Variants in OR5D3 observed in about 807,000 individuals in gnomAD.
OR5D3 encodes olfactory receptor 5D3.
chr11:55,723,849 T>C, the OR5D3 span: 1 of 368,862 alleles, frequency 2.7e-6, no homozygotes, highest in Non-Finnish European at 4.8e-6. Context: ...GATGTGACCT[T>C]ATCTCTGCTA....
chr11:55,725,986 T>G, the OR5D3 span, among the ~76,000 whole-genome samples: 1 of 152,120 alleles, frequency 6.6e-6, no homozygotes, highest in African/African-American at 2.4e-5. Context: ...TTGTTTTTCC[T>G]GTCTTAATTT....
chr11:55,729,035 A>G, the OR5D3 span: 2 of 152,026 alleles, frequency 1.3e-5, no homozygotes, highest in Non-Finnish European at 2.9e-5. Flanking sequence ...GTTTTGGAAG[A>G]TGTAAGCTGT....
the OR5D3 span, chr11:55,726,763 A>G: frequency 2.5e-6 from 1 of 399,026 alleles, no homozygotes. Flanking sequence ...GCACGCTGCC[A>G]TTGTTGCTGT....
the OR5D3 span, chr11:55,729,510 G>T: frequency 2.0e-5 from 3 of 151,844 alleles, no homozygotes; most frequent in East Asian, 5.8e-4. Context: ...TTATGTAAAT[G>T]TCAACTTTCA....
the OR5D3 span, chr11:55,728,765 A>C: frequency 7.7e-6 from 1 of 129,448 alleles, no homozygotes; most frequent in Admixed American, 8.4e-5. Flanking sequence ...ATATACAACA[A>C]AATTCTCAAC....
At chr11:55,725,847 CTG>C in the OR5D3 span, among the ~76,000 whole-genome samples, 1 of 152,016 alleles carries the variant, frequency 6.6e-6, no homozygotes, top group Non-Finnish European at 1.5e-5. Context: ...AGGAATGAAA[CTG>C]TAGAAAAGTA....
At chr11:55,724,601 G>T in the OR5D3 span, among the ~76,000 whole-genome samples, 3 of 152,050 alleles carry the variant, frequency 2.0e-5, no homozygotes, top group Non-Finnish European at 4.4e-5. Context: ...TGTGTTAGTG[G>T]TAATGAGATT....
chr11:55,726,942 C>T, the OR5D3 span: 3 of 399,836 alleles, frequency 7.5e-6, no homozygotes, highest in East Asian at 1.1e-4. Context: ...CGTGTGCCTC[C>T]CACCTGACCG....
the OR5D3 span, chr11:55,727,917 T>A: frequency 1.3e-5 from 2 of 152,090 alleles, no homozygotes; most frequent in African/African-American, 2.4e-5. Context: ...ACAACCAGGA[T>A]AATGATATTG....
the OR5D3 span, chr11:55,727,804 A>C: frequency 7.2e-5 from 11 of 152,044 alleles, no homozygotes; most frequent in African/African-American, 2.7e-4. Flanking sequence ...ATTTATTAAA[A>C]ATTTTATTGA....
chr11:55,727,264 A>G, the OR5D3 span: 1 of 396,298 alleles, frequency 2.5e-6, no homozygotes, highest in Non-Finnish European at 4.4e-6. Flanking sequence ...TACAATATCT[A>G]TTCACACTGA....
At chr11:55,727,845 A>G in the OR5D3 span, 4 of 152,024 alleles carry the variant, frequency 2.6e-5, no homozygotes, top group African/African-American at 7.3e-5. Flanking sequence ...CCTTTGTAAG[A>G]AATAATATAG....
chr11:55,726,082 G>T, the OR5D3 span: 1 of 396,372 alleles, frequency 2.5e-6, no homozygotes. Context: ...TAATTTGACA[G>T]TGGAAACCTA....
chr11:55,726,358 A>C, the OR5D3 span: 3 of 467,932 alleles, frequency 6.4e-6, no homozygotes, highest in African/African-American at 2.0e-5. Context: ...GATCATGGTC[A>C]TCAGGATCAA....
chr11:55,725,740 C>T, the OR5D3 span, among the ~76,000 whole-genome samples: 2 of 152,022 alleles, frequency 1.3e-5, no homozygotes, highest in African/African-American at 4.8e-5. Flanking sequence ...ATAAAACCAC[C>T]AATAAACTGT....
the OR5D3 span, chr11:55,727,459 G>A: frequency 1.1e-5 from 2 of 176,524 alleles, no homozygotes; most frequent in East Asian, 2.9e-4. Context: ...TTTTTGAGAT[G>A]ATCTGAAGAA....
chr11:55,726,414 C>T, the OR5D3 span: 1 of 474,254 alleles, frequency 2.1e-6, no homozygotes, highest in Non-Finnish European at 3.9e-6. Context: ...GCCACTTGTC[C>T]TTTGTTGATT....
chr11:55,726,051 T>C, the OR5D3 span, among the ~76,000 whole-genome samples: 3 of 152,088 alleles, frequency 2.0e-5, no homozygotes, highest in Non-Finnish European at 4.4e-5. Context: ...AATTTTTATA[T>C]AAGTACTCTA....
At chr11:55,729,599 A>G in the OR5D3 span, 1 of 152,070 alleles carries the variant, frequency 6.6e-6, no homozygotes, top group African/African-American at 2.4e-5. Flanking sequence ...ATTATATTAC[A>G]TAACACTTTG....
Sources: gnomAD v4.1 joint callset for allele counts (sites outside exome capture counted in the v4.1 genomes callset) on GRCh38, gnomAD v4.1.1 for gene constraint, MANE v1.5 for transcripts, NCBI Gene and HGNC (gene_info 2026-07-23, HGNC 2026-07-21) for gene names.